ASCC3: variants seen among roughly 807,000 people sequenced by gnomAD.
The protein encoded by ASCC3 is activating signal cointegrator 1 complex subunit 3, also known as ASC-1 complex subunit P200.
Under a neutral mutation model 256.3 loss-of-function variants are expected in ASCC3, and 158 were observed. The ratio of observed to expected loss-of-function variants is 0.62; its 90% CI spans 0.54 to 0.70. The LOEUF (loss-of-function observed/expected upper bound fraction) is 0.70. Among genes scored for constraint, ASCC3 ranks in the 30% least tolerant of loss-of-function variants. The probability of loss-of-function intolerance (pLI) is 0.00; values close to 1 mark genes in which losing one functional copy is unlikely to be tolerated. For synonymous variants in ASCC3, 948 were observed against 883.4 expected (o/e 1.07, Z -1.30); for missense variants, 2,259 against 2,626.0 (o/e 0.86, Z 3.05).
chr6:100,714,022 A>G (rs896912360), intron 13 of ASCC3, among the ~76,000 whole-genome samples: 7 of 152,176 alleles, frequency 4.6e-5, no homozygotes, highest in African/African-American at 1.7e-4. Context: ...CACTACAAAT[A>G]AAACCTCACG....
At chr6:100,798,033 T>C (rs537149373) in intron 8 of ASCC3, among the ~76,000 whole-genome samples, 1 of 152,144 alleles carries the variant, frequency 6.6e-6, no homozygotes, top group Non-Finnish European at 1.5e-5. Flanking sequence ...TGAGTATTCT[T>C]TATGATGCTT....
chr6:100,799,392 G>C (rs1186085825), intron 7 of ASCC3, 39 bp downstream of exon 7: 2 of 1,601,704 alleles, frequency 1.2e-6, no homozygotes, highest in South Asian at 2.2e-5. Context: ...CTTTAGAATA[G>C]ACATATTATT....
At chr6:100,734,257 G>A (rs1172615387) in intron 10 of ASCC3, among the ~76,000 whole-genome samples, 1 of 152,118 alleles carries the variant, frequency 6.6e-6, no homozygotes, top group Non-Finnish European at 1.5e-5. Context: ...AACACTGACT[G>A]AAGATTAAAT....
At chr6:100,868,092 C>A in intron 1 of ASCC3, 54 bp from the exon 2 acceptor site, 1 of 957,782 alleles carries the variant, frequency 1.0e-6, no homozygotes, top group Non-Finnish European at 1.6e-6. Flanking sequence ...CAGAGGTAAT[C>A]AAACTCAACA....
chr6:100,840,284 C>T (rs17672397), intron 4 of ASCC3, among the ~76,000 whole-genome samples: 52,789 of 151,968 alleles, frequency 0.35, 10,748 homozygotes, highest in Middle Eastern at 0.49. Context: ...GATAGGAGTA[C>T]ATTCAAAAAG....
intron 30 of ASCC3, among the ~76,000 whole-genome samples, chr6:100,608,535 T>TTA (rs1235946150): frequency 2.1e-4 from 1 of 4,666 alleles, no homozygotes; most frequent in Non-Finnish European, 3.8e-4. Flanking sequence ...TATATATACT[T>TTA]TATATATATA....
chr6:100,674,255 T>C lies in ASCC3; in HGVS notation c.2286+5363A>G, dbSNP rs907600944. On this transcript the variant is annotated intron_variant, in intron 14 of 41. Transcript: ENST00000369162. ...TGTTTAGATTTTGATAATATATTGA[T>C]GAATATATATTACATAATTTTTTAA... 1.5e-4 allele frequency among the ~76,000 whole-genome samples: 23 copies of C among 152,124 alleles called. 1 individual carries two copies. Among genetic ancestry groups the C allele is most frequent in the East Asian group, 5.8e-4 (3 of 5,186 alleles).
At chr6:100,802,025 T>G (rs947288680) in intron 5 of ASCC3, among the ~76,000 whole-genome samples, 1 of 150,414 alleles carries the variant, frequency 6.6e-6, no homozygotes, top group East Asian at 1.9e-4. Flanking sequence ...ATATTATACA[T>G]ACTTATGATC....
intron 30 of ASCC3, among the ~76,000 whole-genome samples, chr6:100,617,506 A>G (rs528294962): frequency 3.3e-5 from 5 of 152,342 alleles, no homozygotes; most frequent in Admixed American, 1.3e-4. Context: ...TAATTAAATT[A>G]CACAGTAAAA....
chr6:100,681,692 A>G lies in ASCC3; in HGVS notation c.2152-1940T>C, dbSNP rs1405766327. ...CAGTGAGCCGGGATTACGCCACTGC[A>G]CTCCAGCCTGGCAACAGAGCGAGAC... is the stretch of plus-strand genomic sequence containing the variant. On this transcript the variant is annotated intron_variant, in intron 13 of 41. Transcript: ENST00000369162. Among the ~76,000 whole-genome samples the G allele has an allele frequency of 3.0e-5, 4 of 135,540 alleles. No homozygotes were observed. In the East Asian group the frequency reaches 9.9e-4, roughly 33 times the overall value. The allele number at this position is 135,540 out of a possible 152,430, so 88.9% of individuals were successfully genotyped here. A position where few individuals can be genotyped will look rare whatever the true frequency, so the allele number is the denominator to read the frequency against.
intron 30 of ASCC3, among the ~76,000 whole-genome samples, chr6:100,608,118 C>CATATATATTTATATATATG (rs1773044100): frequency 4.3e-5 from 1 of 23,350 alleles, no homozygotes; most frequent in Non-Finnish European, 9.3e-5. Context: ...GTATATATAT[C>CATATATATTTATATATATG]TATATATACA....
chr6:100,656,334 G>A (rs1244969479), intron 16 of ASCC3, among the ~76,000 whole-genome samples: 3 of 151,584 alleles, frequency 2.0e-5, no homozygotes, highest in Non-Finnish European at 3.0e-5. Flanking sequence ...GCAGGACTGC[G>A]AGTGTGAAGA....
chr6:100,810,113 A>C (rs986954776), intron 4 of ASCC3, among the ~76,000 whole-genome samples: 2 of 152,154 alleles, frequency 1.3e-5, no homozygotes, highest in African/African-American at 4.8e-5. Flanking sequence ...CCAATAAGCC[A>C]GTCTGGCATC....
At chr6:100,776,736 T>G (rs774301257) in intron 8 of ASCC3, among the ~76,000 whole-genome samples, 2 of 152,038 alleles carry the variant, frequency 1.3e-5, no homozygotes, top group African/African-American at 2.4e-5. Context: ...AATAATCATA[T>G]ATATTTATTT....
intron 30 of ASCC3, among the ~76,000 whole-genome samples, chr6:100,608,065 T>A (rs1167856050): frequency 4.2e-5 from 5 of 117,770 alleles, no homozygotes; most frequent in Non-Finnish European, 6.8e-5. Flanking sequence ...TATACACATA[T>A]ATATACATAT....
chr6:100,509,371 A>T lies in ASCC3; in HGVS notation c.*15T>A. On this transcript the variant is annotated 3_prime_UTR_variant, in exon 42 of 42. Transcript: ENST00000369162. ...ATTCTTAGCCACTCCTTTCAAATGG[A>T]TTGTTCAGGTCAAGTTACTTTAATG... 6.2e-7 allele frequency: 1 copy of T among 1,613,930 alleles called. No homozygotes were observed. The highest frequency in any genetic ancestry group is 8.5e-7 in the Non-Finnish European group (1 of 1,179,868).
intron 34 of ASCC3, among the ~76,000 whole-genome samples, chr6:100,594,450 C>T (rs1772174915): frequency 1.3e-5 from 2 of 151,978 alleles, no homozygotes; most frequent in South Asian, 2.1e-4. Flanking sequence ...AAAAATTTAC[C>T]AGTTTCCTGT....
chr6:100,739,330 G>A (rs760162475), intron 10 of ASCC3, among the ~76,000 whole-genome samples: 51 of 152,132 alleles, frequency 3.4e-4, no homozygotes, highest in Non-Finnish European at 4.7e-4. Flanking sequence ...TGTGCTGCTG[G>A]ATTTGGTTTG....
chr6:100,837,772 T>C (rs78353477), intron 4 of ASCC3, among the ~76,000 whole-genome samples: 1 of 151,916 alleles, frequency 6.6e-6, no homozygotes, highest in African/African-American at 2.4e-5. Context: ...GGCCAATGGG[T>C]ACGAAGTTAC....
Sources: gnomAD v4.1 joint callset for allele counts (sites outside exome capture counted in the v4.1 genomes callset) on GRCh38, gnomAD v4.1.1 for gene constraint, MANE v1.5 for transcripts, NCBI Gene and HGNC (gene_info 2026-07-23, HGNC 2026-07-21) for gene names.